Variants in CEACAM21 observed in about 807,000 individuals in gnomAD.
CEACAM21 encodes the protein cell adhesion molecule CEACAM21.
In CEACAM21, 38 loss-of-function variants were observed where a neutral mutation model predicts 33.2. That is an observed-to-expected ratio of 1.14 (90% CI 0.88 to 1.50). The LOEUF is 1.50. CEACAM21 is among the 40% of genes most tolerant of loss of function. CEACAM21 has a pLI of 0.00. For synonymous variants in CEACAM21, 156 were observed against 143.0 expected, an observed-to-expected ratio of 1.09 and a Z score of -0.65; for missense variants, 385 against 364.6, an observed-to-expected ratio of 1.06 and a Z score of -0.46.
intron 1 of CEACAM21, among the ~76,000 whole-genome samples, chr19:41,559,995 A>C (rs1164771160): frequency 2.0e-5 from 3 of 151,886 alleles, no homozygotes; most frequent in African/African-American, 7.2e-5. Context: ...TCCTCTCAAA[A>C]ACAAAACAAA....
intron 1 of CEACAM21, among the ~76,000 whole-genome samples, chr19:41,564,340 TTATTTATTTATTTA>T (rs2042110734): frequency 1.2e-5 from 1 of 84,692 alleles, no homozygotes; most frequent in African/African-American, 5.7e-5. Context: ...TATTATTTAT[TTATTTATTTATTTA>T]TTTATTTATT....
intron 4 of CEACAM21, 82 bp downstream of exon 4, chr19:41,584,525 G>A: frequency 7.8e-7 from 1 of 1,276,058 alleles, no homozygotes; most frequent in Non-Finnish European, 1.1e-6. Flanking sequence ...CTTGTATTCA[G>A]TGCCAGGCTC....
chr19:41,563,995 G>T (rs146716754), intron 1 of CEACAM21, among the ~76,000 whole-genome samples: 279 of 152,362 alleles, frequency 1.8e-3, no homozygotes, highest in African/African-American at 6.4e-3. Context: ...CCAAGTATCT[G>T]AATCTGCAGG....
chr19:41,563,840 C>G (rs1555787515), intron 1 of CEACAM21, among the ~76,000 whole-genome samples: 1 of 152,186 alleles, frequency 6.6e-6, no homozygotes, highest in Non-Finnish European at 1.5e-5. Flanking sequence ...GGGGCTGGCA[C>G]AGTGGTGGAC....
chr19:41,574,903 C>T (rs556060265), upstream of CEACAM21, among the ~76,000 whole-genome samples: 5 of 152,114 alleles, frequency 3.3e-5, no homozygotes, highest in African/African-American at 7.2e-5. Flanking sequence ...TTCATTGCAG[C>T]GGTTTTCACA....
chr19:41,570,147 G>T (rs1306163542), intron 2 of CEACAM21, among the ~76,000 whole-genome samples: 1 of 152,220 alleles, frequency 6.6e-6, no homozygotes, highest in Non-Finnish European at 1.5e-5. Flanking sequence ...GCGTCCCACA[G>T]AACTGCACAG....
At position 41,577,559 on chromosome 19, in the gene CEACAM21, G is replaced by A. The variant is rs782587120; in HGVS notation, c.424G>A (p.Glu142Lys). 5.6e-6 allele frequency: 9 copies of A among 1,612,822 alleles called. No homozygotes were observed. Among genetic ancestry groups the A allele is most frequent in the East Asian group, 2.2e-5 (1 of 44,892 alleles). The change falls in exon 2 of 7, where the codon GAG (glutamate) becomes AAG (lysine). Residue 142 changes from glutamate (E) to lysine (K), a missense_variant and splice_region_variant. Transcript: ENST00000401445. ...EQASHHLRVY[E>K]SVAQPSIQAS... ...GGCATCTCACCATCTCCGTGTATAC[G>A]GTGAGTGATTCCTCCGTGCCTCTGG...
upstream of CEACAM21, among the ~76,000 whole-genome samples, chr19:41,572,556 G>A (rs568289033): frequency 2.6e-5 from 4 of 152,038 alleles, no homozygotes; most frequent in Non-Finnish European, 5.9e-5. Flanking sequence ...CTGCTCTCTC[G>A]CCCAATGTTC....
At chr19:41,558,800 ATAAT>A (rs1182950607) in intron 1 of CEACAM21, among the ~76,000 whole-genome samples, 9 of 152,252 alleles carry the variant, frequency 5.9e-5, no homozygotes, top group Admixed American at 3.3e-4. Context: ...TCAGTAATAG[ATAAT>A]TAATCATAAA....
At chr19:41,563,492 G>A (rs782650058) in intron 1 of CEACAM21, among the ~76,000 whole-genome samples, 6 of 152,200 alleles carry the variant, frequency 3.9e-5, no homozygotes, top group Non-Finnish European at 8.8e-5. Context: ...GTCCCAAAAG[G>A]CCACTAGGCA....
intron 3 of CEACAM21, 146 bp downstream of exon 3, chr19:41,579,774 C>T (rs954257099): frequency 4.7e-6 from 3 of 641,922 alleles, no homozygotes; most frequent in Non-Finnish European, 7.9e-6. Flanking sequence ...GGATTAGACT[C>T]ATCCAGTTAT....
intron 1 of CEACAM21, among the ~76,000 whole-genome samples, chr19:41,562,779 A>G (rs889489031): frequency 2.6e-5 from 4 of 151,504 alleles, no homozygotes; most frequent in Non-Finnish European, 4.4e-5. Context: ...CCCAGGCTGG[A>G]GTGCAGTGGC....
chr19:41,566,172 T>C (rs1008349621), intron 2 of CEACAM21, among the ~76,000 whole-genome samples: 12 of 152,332 alleles, frequency 7.9e-5, no homozygotes, highest in African/African-American at 2.6e-4. Context: ...GGTGGGTTAT[T>C]TGAGCGAGAA....
chr19:41,567,090 G>A, intron 2 of CEACAM21, among the ~76,000 whole-genome samples: 1 of 151,950 alleles, frequency 6.6e-6, no homozygotes, highest in Non-Finnish European at 1.5e-5. Flanking sequence ...AGATAGGAAT[G>A]GTCCAGGGTG....
intron 1 of CEACAM21, among the ~76,000 whole-genome samples, chr19:41,552,936 G>T (rs1555784755): frequency 6.6e-6 from 1 of 151,994 alleles, no homozygotes; most frequent in East Asian, 1.9e-4. Flanking sequence ...TAAGAAAAAT[G>T]GGGAAAAAGG....
chr19:41,579,605 A>C lies in CEACAM21; in HGVS notation c.677A>C (p.Asp226Ala), dbSNP rs1179681349. The part of the protein sequence containing the change: ...VSNPVSSNRS[D>A]PLKLTVKSDD... ...AACCCAGTCAGCTCCAACAGGAGCG[A>C]CCCCCTCAAGCTGACTGTAAAATGT... Residue 226 changes from aspartate (D) to alanine (A), a missense_variant, in exon 3 of 7, where the codon GAC (aspartate) becomes GCC (alanine). Transcript: ENST00000401445. 2.6e-6 allele frequency: 4 copies of C among 1,564,426 alleles called. No individual in the cohort carries two copies. Among genetic ancestry groups the C allele is most frequent in the African/African-American group, 2.7e-5 (2 of 73,168 alleles).
rs542369955 is a variant in CEACAM21, at chr19:41,585,602, G to T, written c.850+107G>T. On this transcript the variant is annotated intron_variant, in intron 5 of 6. Coordinates refer to ENST00000401445, the MANE Select transcript of CEACAM21 (RefSeq NM_001098506.4). ...GGCCTCTGACCCTATCCCTGGGGCT[G>T]CAAAGAGGATCCCATAAAACATCAC... 2,454 of 1,278,558 alleles carry T rather than the reference G, an allele frequency of 1.9e-3. 10 individuals are homozygous for T. The highest frequency in any genetic ancestry group is 3.8e-3 in the Admixed American group (205 of 53,674). 79.2% of individuals were successfully genotyped at this position (1,278,558 alleles called of 1,614,324 possible).
At chr19:41,568,477 T>C (rs2042404687) in intron 2 of CEACAM21, among the ~76,000 whole-genome samples, 1 of 152,192 alleles carries the variant, frequency 6.6e-6, no homozygotes, top group Admixed American at 6.5e-5. Flanking sequence ...TGGTGAGGGA[T>C]AGGGTCTAGG....
At chr19:41,574,288 C>T (rs1449072392), upstream of CEACAM21, among the ~76,000 whole-genome samples, 1 of 152,130 alleles carries the variant, frequency 6.6e-6, no homozygotes, top group African/African-American at 2.4e-5. Flanking sequence ...TTGGATTGGG[C>T]AATGGTTTCT....
Sources: gnomAD v4.1 joint callset for allele counts (sites outside exome capture counted in the v4.1 genomes callset) on GRCh38, gnomAD v4.1.1 for gene constraint, MANE v1.5 for transcripts, NCBI Gene and HGNC (gene_info 2026-07-23, HGNC 2026-07-21) for gene names.